The following GLRA2 variants were observed in gnomAD, a reference collection of about 807,000 sequenced individuals.
The protein encoded by GLRA2 is glycine receptor subunit alpha-2.
A neutral mutation model predicts 31.6 loss-of-function variants in GLRA2; 11 were observed. The observed-to-expected ratio is 0.35, with a 90% CI of 0.22 to 0.58. The LOEUF (loss-of-function observed/expected upper bound fraction) is 0.58, where lower values mean the gene tolerates loss of function less well. Ranked by LOEUF, GLRA2 falls within the 20% of genes least tolerant of loss-of-function variation. GLRA2 has a pLI of 0.84. For synonymous variants in GLRA2, 132 were observed against 134.0 expected, an observed-to-expected ratio of 0.99 and a Z score of 0.10; for missense variants, 212 against 351.8, an observed-to-expected ratio of 0.60 and a Z score of 3.18.
chrX:14,686,643 CT>C (rs1014278320), intron 7 of GLRA2, among the ~76,000 whole-genome samples: 3 of 110,732 alleles, frequency 2.7e-5, no homozygotes, highest in African/African-American at 6.6e-5. Flanking sequence ...CAAGTCCTGC[CT>C]TTTTTTTGTT....
At chrX:14,724,652 A>AAAAAAAAAAAAC (rs2091909608) in intron 8 of GLRA2, among the ~76,000 whole-genome samples, 1 of 100,229 alleles carries the variant, frequency 1.0e-5, no homozygotes, top group Admixed American at 1.1e-4. Context: ...AAAAAAAAAA[A>AAAAAAAAAAAAC]CAAGAAGAAG....
At chrX:14,510,323 G>T in the GLRA2 span, among the ~76,000 whole-genome samples, 1 of 111,815 alleles carries the variant, frequency 8.9e-6, no homozygotes, top group South Asian at 3.8e-4. Flanking sequence ...CTGCTGAGCT[G>T]GGAGGAAGCT....
At chrX:14,528,246 A>G (rs2089204571), upstream of GLRA2, among the ~76,000 whole-genome samples, 1 of 112,394 alleles carries the variant, frequency 8.9e-6, no homozygotes, top group Admixed American at 9.4e-5. Flanking sequence ...GGTGATTTAT[A>G]TTAACATTAA....
chrX:14,691,403 G>A (rs764110806), intron 8 of GLRA2, among the ~76,000 whole-genome samples: 2 of 109,422 alleles, frequency 1.8e-5, no homozygotes, highest in South Asian at 4.0e-4. Context: ...AAATTATGCC[G>A]TACCCATGTA....
chrX:14,700,706 T>G (rs2091528311), intron 8 of GLRA2, among the ~76,000 whole-genome samples: 1 of 110,608 alleles, frequency 9.0e-6, no homozygotes, highest in South Asian at 3.9e-4. Context: ...AGTGAGGACA[T>G]TGAATGCAGC....
At chrX:14,524,780 T>C (rs1453895779), upstream of GLRA2, among the ~76,000 whole-genome samples, 1 of 110,466 alleles carries the variant, frequency 9.1e-6, no homozygotes, top group Non-Finnish European at 1.9e-5. Flanking sequence ...CTTAATATAA[T>C]AGTAACCAAA....
At chrX:14,557,102 CTTTTTTTTTT>C (rs58282642) in intron 2 of GLRA2, among the ~76,000 whole-genome samples, 8 of 46,342 alleles carry the variant, frequency 1.7e-4, no homozygotes, top group Non-Finnish European at 2.1e-4. Context: ...TAAAGTATTT[CTTTTTTTTTT>C]TTTTTTTTTT....
chrX:14,728,517 T>C (rs1465092363), intron 8 of GLRA2, among the ~76,000 whole-genome samples: 1 of 112,143 alleles, frequency 8.9e-6, no homozygotes, highest in Non-Finnish European at 1.9e-5. Context: ...TTCCTAGAGA[T>C]CAAATTTACA....
chrX:14,699,294 A>G (rs1394272059), intron 8 of GLRA2, among the ~76,000 whole-genome samples: 1 of 112,097 alleles, frequency 8.9e-6, no homozygotes, highest in African/African-American at 3.2e-5. Context: ...TACTTCTGGC[A>G]TTGTACCTAA....
the GLRA2 span, among the ~76,000 whole-genome samples, chrX:14,474,220 C>G: frequency 2.7e-5 from 3 of 111,650 alleles, no homozygotes; most frequent in Non-Finnish European, 3.8e-5. Flanking sequence ...CCGGGCTCTT[C>G]ACAGATTATT....
the GLRA2 span, among the ~76,000 whole-genome samples, chrX:14,499,685 C>G: frequency 2.7e-5 from 3 of 110,850 alleles, no homozygotes; most frequent in South Asian, 1.2e-3. Flanking sequence ...ACTATAGACA[C>G]TGGGACTCCA....
intron 7 of GLRA2, among the ~76,000 whole-genome samples, chrX:14,635,472 A>C (rs2090700698): frequency 8.9e-6 from 1 of 111,786 alleles, no homozygotes; most frequent in East Asian, 2.8e-4. Flanking sequence ...TCTAGAAGCA[A>C]ATAGTGCCAC....
chrX:14,531,832 AT>A (rs2089259474), intron 1 of GLRA2, among the ~76,000 whole-genome samples: 1 of 111,490 alleles, frequency 9.0e-6, no homozygotes, highest in South Asian at 3.7e-4. Flanking sequence ...GATGACTTAT[AT>A]TTAGGGCCGA....
chrX:14,667,816 C>T (rs761320705), intron 7 of GLRA2, among the ~76,000 whole-genome samples: 1 of 111,905 alleles, frequency 8.9e-6, no homozygotes, highest in African/African-American at 3.2e-5. Context: ...TTCTTTCTCT[C>T]TCCTCCACAA....
chrX:14,516,496 A>C, the GLRA2 span, among the ~76,000 whole-genome samples: 5 of 110,907 alleles, frequency 4.5e-5, no homozygotes, highest in African/African-American at 1.3e-4. Context: ...TGCAAATATT[A>C]ATACTAGCCA....
chrX:14,449,343 G>T, the GLRA2 span, among the ~76,000 whole-genome samples: 4 of 112,236 alleles, frequency 3.6e-5, no homozygotes, highest in African/African-American at 1.3e-4. Flanking sequence ...AGCAAAAAGA[G>T]ATCCCATGAC....
At chrX:14,616,045 C>T (rs2090450218) in intron 7 of GLRA2, among the ~76,000 whole-genome samples, 1 of 111,216 alleles carries the variant, frequency 9.0e-6, no homozygotes, top group African/African-American at 3.3e-5. Flanking sequence ...TTCTTTTAAC[C>T]GTTTAGAGCA....
At chrX:14,471,467 C>T in the GLRA2 span, among the ~76,000 whole-genome samples, 9 of 111,721 alleles carry the variant, frequency 8.1e-5, no homozygotes, top group African/African-American at 1.3e-4. Flanking sequence ...TCCCAGTTTA[C>T]GGGATGTAAA....
rs771975829 is a variant in GLRA2 at position 14,582,479 on chromosome X, G to T, written c.494+1073G>T. Among the ~76,000 whole-genome samples, 25 of 110,042 alleles carry T rather than the reference G, an allele frequency of 2.3e-4. 1 individual carries two copies. In the South Asian group the frequency reaches 8.6e-3, roughly 38 times the overall value. On this transcript the variant is annotated intron_variant, in intron 4 of 8. Coordinates refer to ENST00000218075, the MANE Select transcript of GLRA2 (RefSeq NM_002063.4). ...TCCAGTCTATCATTGTTGGACATTTGGGTTGGTTCCAAGTCTTTGCTATCT... is the reference window on the plus strand; with the variant it reads ...TCCAGTCTATCATTGTTGGACATTTTGGTTGGTTCCAAGTCTTTGCTATCT...
Sources: gnomAD v4.1 joint callset for allele counts (sites outside exome capture counted in the v4.1 genomes callset) on GRCh38, gnomAD v4.1.1 for gene constraint, MANE v1.5 for transcripts, NCBI Gene and HGNC (gene_info 2026-07-23, HGNC 2026-07-21) for gene names.